CACNA2D3: variants seen among roughly 807,000 people sequenced by gnomAD.
The protein encoded by CACNA2D3 is voltage-dependent calcium channel subunit alpha-2/delta-3.
Under a neutral mutation model 160.6 loss-of-function variants are expected in CACNA2D3, and 60 were observed. The ratio of observed to expected loss-of-function variants is 0.37; its 90% CI spans 0.30 to 0.46. CACNA2D3 has a LOEUF of 0.46. Among genes scored for constraint, CACNA2D3 ranks in the 20% least tolerant of loss-of-function variants. CACNA2D3 has a pLI of 1.00. For synonymous variants in CACNA2D3, 558 were observed against 492.9 expected, an observed-to-expected ratio of 1.13 and a Z score of -1.75; for missense variants, 1,205 against 1,365.0, an observed-to-expected ratio of 0.88 and a Z score of 1.85.
At chr3:55,051,480 A>G (rs376449507) in intron 35 of CACNA2D3, among the ~76,000 whole-genome samples, 3,896 of 150,890 alleles carry the variant, frequency 0.026, 146 homozygotes, top group African/African-American at 0.088. Context: ...CTCCAGCTGC[A>G]TGCTGGGAGA....
chr3:54,212,855 G>T (rs748402326), intron 2 of CACNA2D3, among the ~76,000 whole-genome samples: 4 of 152,150 alleles, frequency 2.6e-5, no homozygotes, highest in Non-Finnish European at 4.4e-5. Context: ...GTTTCCTCAA[G>T]TGTGAACTGG....
chr3:54,407,586 TACAC>T (rs138873655), intron 4 of CACNA2D3, among the ~76,000 whole-genome samples: 2 of 151,996 alleles, frequency 1.3e-5, no homozygotes, highest in South Asian at 4.2e-4. Flanking sequence ...TCTCAGTTGT[TACAC>T]ACACACACAT....
chr3:54,844,345 G>A (rs576848326), intron 16 of CACNA2D3, among the ~76,000 whole-genome samples: 1 of 152,226 alleles, frequency 6.6e-6, no homozygotes, highest in Non-Finnish European at 1.5e-5. Context: ...GTGGAGGGAG[G>A]GCAAAGGCAG....
chr3:54,319,818 A>G (rs543276760), intron 2 of CACNA2D3, among the ~76,000 whole-genome samples: 1 of 152,266 alleles, frequency 6.6e-6, no homozygotes, highest in East Asian at 1.9e-4. Context: ...AATATATTTT[A>G]TGGAAAATAA....
At chr3:54,598,173 C>T (rs764334533) in intron 9 of CACNA2D3, among the ~76,000 whole-genome samples, 1 of 150,344 alleles carries the variant, frequency 6.7e-6, no homozygotes, top group Admixed American at 6.6e-5. Context: ...CCGGGCATGG[C>T]GATGTGTGTC....
intron 15 of CACNA2D3, 69 bp downstream of exon 15, chr3:54,837,299 A>C: frequency 8.2e-7 from 1 of 1,226,080 alleles, no homozygotes; most frequent in Admixed American, 1.8e-5. Context: ...CTCTGACTCC[A>C]GCTCTGGTGA....
chr3:54,466,070 C>G (rs1700619825), intron 4 of CACNA2D3, among the ~76,000 whole-genome samples: 1 of 152,208 alleles, frequency 6.6e-6, no homozygotes, highest in African/African-American at 2.4e-5. Flanking sequence ...TTGAATCTCT[C>G]TGACTTTCTC....
Position 54,631,461 on chromosome 3 carries a change from ATAT to A in CACNA2D3, c.1053+3592_1053+3594del, listed in dbSNP as rs200084733. Among the ~76,000 whole-genome samples the A allele has an allele frequency of 6.7e-3, 1,014 of 152,230 alleles. 11 individuals carry two copies. The highest frequency in any genetic ancestry group is 0.022 in the African/African-American group (926 of 41,494). ...ACTTCATCAATATGACCTTTAAGTGATATTATTATCTTCCTGTGTATTATGCCT... is the reference window on the plus strand; with the variant it reads ...ACTTCATCAATATGACCTTTAAGTGATATTATCTTCCTGTGTATTATGCCT... On this transcript the variant is annotated intron_variant, in intron 10 of 37. Transcript: ENST00000474759.
Position 54,630,025 on chromosome 3 carries a change from T to C in CACNA2D3, c.1053+2149T>C, listed in dbSNP as rs114476354. On this transcript the variant is annotated intron_variant, in intron 10 of 37. Transcript: ENST00000474759. Reference sequence around the variant, plus strand: ...TTACAGGGTTTCTTGTTCACAGTTATTGAGAATTTTAAGGTAATGGTAGCA... The same window carrying C: ...TTACAGGGTTTCTTGTTCACAGTTACTGAGAATTTTAAGGTAATGGTAGCA... 6.3e-3 allele frequency among the ~76,000 whole-genome samples: 953 copies of C among 152,266 alleles called. 3 individuals are homozygous for C. Among genetic ancestry groups the C allele is most frequent in the Non-Finnish European group, 8.6e-3 (582 of 68,010 alleles).
At chr3:54,808,201 A>G (rs1703185388) in intron 13 of CACNA2D3, among the ~76,000 whole-genome samples, 1 of 152,122 alleles carries the variant, frequency 6.6e-6, no homozygotes, top group Non-Finnish European at 1.5e-5. Context: ...AATTTAAAGT[A>G]TAATAATAAT....
At chr3:54,646,220 T>C (rs1489139252) in intron 11 of CACNA2D3, among the ~76,000 whole-genome samples, 15 of 120,766 alleles carry the variant, frequency 1.2e-4, no homozygotes, top group Admixed American at 3.6e-4. Flanking sequence ...CCTTCCTTCC[T>C]TCCTTCCTTC....
intron 9 of CACNA2D3, among the ~76,000 whole-genome samples, chr3:54,603,359 C>T (rs1703099903): frequency 1.3e-5 from 2 of 152,340 alleles, no homozygotes; most frequent in South Asian, 4.1e-4. Context: ...TACTACCTAC[C>T]AGGCTCTCTC....
intron 4 of CACNA2D3, among the ~76,000 whole-genome samples, chr3:54,489,727 T>C (rs147095294): frequency 1.8e-3 from 268 of 152,296 alleles, no homozygotes; most frequent in African/African-American, 5.1e-3. Flanking sequence ...AAAGCTGCAG[T>C]GGAAAGCCTT....
chr3:54,604,870 C>T (rs757712595), intron 9 of CACNA2D3, among the ~76,000 whole-genome samples: 16 of 152,108 alleles, frequency 1.1e-4, no homozygotes, highest in East Asian at 3.8e-4. Flanking sequence ...TCATGAAGGC[C>T]GTACTGCTGG....
intron 3 of CACNA2D3, among the ~76,000 whole-genome samples, chr3:54,342,000 A>T (rs541652583): frequency 5.3e-5 from 8 of 152,286 alleles, no homozygotes; most frequent in Admixed American, 1.3e-4. Flanking sequence ...TAAGGAGTAG[A>T]TGTTGCTATC....
chr3:54,657,262 G>T (rs191922750), intron 11 of CACNA2D3, among the ~76,000 whole-genome samples: 1 of 152,148 alleles, frequency 6.6e-6, no homozygotes, highest in African/African-American at 2.4e-5. Context: ...GGTCACAGGG[G>T]ATATGATGGC....
intron 27 of CACNA2D3, among the ~76,000 whole-genome samples, chr3:54,933,873 A>G (rs1185894251): frequency 2.0e-5 from 3 of 151,732 alleles, no homozygotes; most frequent in African/African-American, 4.8e-5. Flanking sequence ...GGTTCAAGCA[A>G]TTCTCCTGCC....
At chr3:54,276,588 A>AG (rs767061739) in intron 2 of CACNA2D3, among the ~76,000 whole-genome samples, 26,487 of 125,586 alleles carry the variant, frequency 0.21, 3,056 homozygotes, top group East Asian at 0.5. Flanking sequence ...AAAAAAAAAA[A>AG]AAGAAGAAGA....
chr3:54,316,398 C>T (rs1703863722), intron 2 of CACNA2D3, among the ~76,000 whole-genome samples: 1 of 152,106 alleles, frequency 6.6e-6, no homozygotes, highest in South Asian at 2.1e-4. Flanking sequence ...TGAAACATTT[C>T]CTGGAAAGAG....
Sources: gnomAD v4.1 joint callset for allele counts (sites outside exome capture counted in the v4.1 genomes callset) on GRCh38, gnomAD v4.1.1 for gene constraint, MANE v1.5 for transcripts, NCBI Gene and HGNC (gene_info 2026-07-23, HGNC 2026-07-21) for gene names.